The following PPFIA2 variants were observed in gnomAD, a reference collection of about 807,000 sequenced individuals.
PPFIA2 encodes liprin-alpha-2.
PPFIA2 carries 46 observed loss-of-function variants against 175.5 expected under a neutral mutation model. The observed-to-expected ratio is 0.26, with a 90% CI of 0.21 to 0.34. The LOEUF is 0.34. PPFIA2 is among the 10% of genes least tolerant of loss of function. The pLI is 1.00. For missense variants in PPFIA2, 1,179 were observed against 1,506.1 expected, an observed-to-expected ratio of 0.78 and a Z score of 3.60; for synonymous variants, 568 against 511.4, an observed-to-expected ratio of 1.11 and a Z score of -1.49.
chr12:81,620,492 A>G (rs1298342430), intron 4 of PPFIA2, among the ~76,000 whole-genome samples: 1 of 152,222 alleles, frequency 6.6e-6, no homozygotes, highest in Non-Finnish European at 1.5e-5. Context: ...AAAGATATAA[A>G]CAAATGTCCA....
intron 24 of PPFIA2, among the ~76,000 whole-genome samples, chr12:81,288,856 A>G (rs980229950): frequency 6.6e-6 from 1 of 151,786 alleles, no homozygotes; most frequent in Admixed American, 6.6e-5. Flanking sequence ...ATAAAGGTTA[A>G]GGTTTATAAA....
intron 4 of PPFIA2, among the ~76,000 whole-genome samples, chr12:81,616,285 A>ATATT (rs1488482227): frequency 5.9e-5 from 9 of 152,146 alleles, no homozygotes; most frequent in Admixed American, 2.6e-4. Flanking sequence ...CTGCTAACTA[A>ATATT]TATTTCCTTT....
At chr12:81,321,513 T>C (rs980085713) in intron 22 of PPFIA2, among the ~76,000 whole-genome samples, 5 of 152,204 alleles carry the variant, frequency 3.3e-5, no homozygotes, top group African/African-American at 1.2e-4. Context: ...CCATAAATGT[T>C]ATTTTTAATA....
intron 4 of PPFIA2, among the ~76,000 whole-genome samples, chr12:81,489,582 G>C (rs2059208638): frequency 6.6e-6 from 1 of 151,714 alleles, no homozygotes; most frequent in African/African-American, 2.4e-5. Flanking sequence ...CTGCCACACA[G>C]TACAGAAAAG....
chr12:81,538,262 T>A (rs1247752012), intron 4 of PPFIA2, among the ~76,000 whole-genome samples: 1 of 151,872 alleles, frequency 6.6e-6, no homozygotes, highest in Non-Finnish European at 1.5e-5. Context: ...AAAGAACAAA[T>A]GTTGATATTA....
intron 4 of PPFIA2, among the ~76,000 whole-genome samples, chr12:81,535,198 GTACAC>G (rs2065202098): frequency 6.6e-6 from 1 of 151,828 alleles, no homozygotes; most frequent in South Asian, 2.1e-4. Flanking sequence ...AGATGGTCTG[GTACAC>G]TACAGCTTGG....
Position 81,277,428 on chromosome 12 carries a change from T to TAAAAA in PPFIA2, c.3213-19_3213-15dup. 8.6e-7 allele frequency: 1 copy of TAAAAA among 1,161,294 alleles called. No individual in the cohort carries two copies. The highest frequency in any genetic ancestry group is 3.2e-5 in the Admixed American group (1 of 31,140). The allele number at this position is 1,161,294 out of a possible 1,614,324, so 71.9% of individuals were successfully genotyped here. On this transcript the variant is annotated splice_polypyrimidine_tract_variant and intron_variant, in intron 27 of 32. Coordinates refer to ENST00000549396, the MANE Select transcript of PPFIA2 (RefSeq NM_003625.5). ...TGTAAACTTGTTCTTTTTTTTTTATTAAAAAAAAAAAAACACAGTGAGTCT... is the reference window on the plus strand; with the variant it reads ...TGTAAACTTGTTCTTTTTTTTTTATTAAAAAAAAAAAAAAAAAACACAGTGAGTCT...
intron 17 of PPFIA2, among the ~76,000 whole-genome samples, chr12:81,351,382 G>A (rs11114830): frequency 0.34 from 49,927 of 147,364 alleles, 9,023 homozygotes; most frequent in African/African-American, 0.52. Flanking sequence ...GAAAATGTTC[G>A]CACATATGTC....
intron 4 of PPFIA2, among the ~76,000 whole-genome samples, chr12:81,463,241 A>T (rs2054978779): frequency 6.6e-6 from 1 of 152,178 alleles, no homozygotes; most frequent in South Asian, 2.1e-4. Context: ...ACAGAATACA[A>T]TGTATAACAC....
At chr12:81,376,382 T>C (rs1392244139) in intron 9 of PPFIA2, among the ~76,000 whole-genome samples, 1 of 151,316 alleles carries the variant, frequency 6.6e-6, no homozygotes, top group Non-Finnish European at 1.5e-5. Flanking sequence ...ACCTTTACAT[T>C]AAGAAAGAGG....
intron 4 of PPFIA2, among the ~76,000 whole-genome samples, chr12:81,540,586 T>G (rs1454702960): frequency 6.6e-6 from 1 of 152,048 alleles, no homozygotes; most frequent in African/African-American, 2.4e-5. Flanking sequence ...ATTTTAAATT[T>G]TAAATAAATG....
intron 6 of PPFIA2, among the ~76,000 whole-genome samples, chr12:81,442,239 T>C (rs1277532073): frequency 6.6e-6 from 1 of 152,044 alleles, no homozygotes; most frequent in Non-Finnish European, 1.5e-5. Flanking sequence ...CTAAAACTGT[T>C]TTACAAGAAA....
Position 81,336,358 on chromosome 12 carries a change from T to A in PPFIA2, c.2548+2822A>T, listed in dbSNP as rs116030150. Among the ~76,000 whole-genome samples, 476 of 152,324 alleles carry A rather than the reference T, an allele frequency of 3.1e-3. 2 individuals are homozygous for A. Among genetic ancestry groups the A allele is most frequent in the African/African-American group, 0.011 (444 of 41,580 alleles). Reference sequence around the variant, plus strand: ...TGATATTGTCTATGCTAGTAATACATTAGTAAGAACAGACATATTGTTGCA... The same window carrying A: ...TGATATTGTCTATGCTAGTAATACAATAGTAAGAACAGACATATTGTTGCA... On this transcript the variant is annotated intron_variant, in intron 21 of 32. Coordinates refer to ENST00000549396, the MANE Select transcript of PPFIA2 (RefSeq NM_003625.5).
chr12:81,528,579 T>C (rs1322583078), intron 4 of PPFIA2, among the ~76,000 whole-genome samples: 1 of 152,146 alleles, frequency 6.6e-6, no homozygotes, highest in African/African-American at 2.4e-5. Context: ...AGCAATGCTT[T>C]ATAATTGTCT....
intron 14 of PPFIA2, among the ~76,000 whole-genome samples, chr12:81,366,117 C>A (rs930158844): frequency 6.8e-6 from 1 of 146,538 alleles, no homozygotes; most frequent in Non-Finnish European, 1.5e-5. Flanking sequence ...TTCTCTTTTT[C>A]CCTTCCTTCT....
chr12:81,382,545 G>T (rs769540807), intron 9 of PPFIA2, among the ~76,000 whole-genome samples: 3 of 152,058 alleles, frequency 2.0e-5, no homozygotes, highest in Non-Finnish European at 2.9e-5. Context: ...AAGCCATGAA[G>T]ATTCTGAGAA....
At chr12:81,563,562 G>A (rs1401648217) in intron 4 of PPFIA2, among the ~76,000 whole-genome samples, 1 of 152,050 alleles carries the variant, frequency 6.6e-6, no homozygotes, top group African/African-American at 2.4e-5. Context: ...TTAAATATAT[G>A]ACATAATATG....
Position 81,517,107 on chromosome 12 carries a change from C to CTT in PPFIA2, c.304-59243_304-59242dup, listed in dbSNP as rs34341719. 2.4e-3 allele frequency among the ~76,000 whole-genome samples: 298 copies of CTT among 123,664 alleles called. 3 individuals are homozygous for CTT. Among genetic ancestry groups the CTT allele is most frequent in the African/African-American group, 3.6e-3 (120 of 33,634 alleles). 81.1% of individuals were successfully genotyped at this position (123,664 alleles called of 152,430 possible). A position where few individuals can be genotyped will look rare whatever the true frequency, so the allele number is the denominator to read the frequency against. ...ATTTTTCCTTAACCCCACATTGTAGCTTTTTTTTTTTTTTTTTTGGCTGTT... is the reference window on the plus strand; with the variant it reads ...ATTTTTCCTTAACCCCACATTGTAGCTTTTTTTTTTTTTTTTTTTTGGCTGTT... On this transcript the variant is annotated intron_variant, in intron 4 of 32. Transcript: ENST00000549396.
Position 81,258,221 on chromosome 12 carries a change from T to C in PPFIA2, c.*1473A>G, listed in dbSNP as rs1002743560. 5 of 152,150 alleles carry C rather than the reference T, an allele frequency of 3.3e-5. No homozygotes were observed. The highest frequency in any genetic ancestry group is 5.9e-5 in the Non-Finnish European group (4 of 68,014). The allele number at this position is 152,150 out of a possible 1,614,324, so 9.4% of individuals were successfully genotyped here. On this transcript the variant is annotated 3_prime_UTR_variant, in exon 33 of 33. Transcript: ENST00000549396. ...CACATTTCCTGATAGTTTAAGTAAA[T>C]TGTCGAGCCTTATGTGACTAGAAAA...
Sources: allele counts gnomAD v4.1 joint callset (sites outside exome capture counted in the v4.1 genomes callset), GRCh38; gene constraint gnomAD v4.1.1; transcripts MANE v1.5; gene names NCBI Gene and HGNC (gene_info 2026-07-23, HGNC 2026-07-21).